PITPNC1: variants seen among roughly 807,000 people sequenced by gnomAD.
PITPNC1 encodes the protein cytoplasmic phosphatidylinositol transfer protein 1.
In PITPNC1, 18 loss-of-function variants were observed where a neutral mutation model predicts 44.7. The observed-to-expected ratio is 0.40, with a 90% CI of 0.28 to 0.60. PITPNC1 has a LOEUF of 0.60. Among genes scored for constraint, PITPNC1 ranks in the 20% least tolerant of loss-of-function variants. PITPNC1 has a pLI of 0.39. For synonymous variants in PITPNC1, 141 were observed against 149.6 expected, an observed-to-expected ratio of 0.94 and a Z score of 0.42; for missense variants, 290 against 418.4, an observed-to-expected ratio of 0.69 and a Z score of 2.68.
intron 6 of PITPNC1, among the ~76,000 whole-genome samples, chr17:67,650,872 C>G (rs940339398): frequency 3.9e-5 from 6 of 152,124 alleles, no homozygotes; most frequent in African/African-American, 7.2e-5. Flanking sequence ...GAGAAGGGTA[C>G]AAAACAGAAA....
chr17:67,599,034 A>ATATATATATATATATATTT (rs1461493250), intron 5 of PITPNC1, among the ~76,000 whole-genome samples: 2 of 35,676 alleles, frequency 5.6e-5, no homozygotes, highest in African/African-American at 1.1e-4. Context: ...ATATATATAT[A>ATATATATATATATATATTT]TTTTTTTTTT....
chr17:67,602,712 T>C (rs996539291), intron 5 of PITPNC1, among the ~76,000 whole-genome samples: 2 of 152,060 alleles, frequency 1.3e-5, no homozygotes, highest in African/African-American at 4.8e-5. Context: ...CCACTCATTC[T>C]ACAAGTGACC....
intron 1 of PITPNC1, among the ~76,000 whole-genome samples, chr17:67,397,836 G>A (rs193063911): frequency 1.3e-5 from 2 of 152,184 alleles, no homozygotes; most frequent in Non-Finnish European, 2.9e-5. Context: ...GCTCACGCCT[G>A]TAATCCCAGC....
chr17:67,394,485 A>G (rs1198206101), intron 1 of PITPNC1, among the ~76,000 whole-genome samples: 1 of 152,214 alleles, frequency 6.6e-6, no homozygotes, highest in African/African-American at 2.4e-5. Context: ...GTTCATGACA[A>G]ACTGCTACTT....
At chr17:67,527,933 C>T (rs1037901256) in intron 1 of PITPNC1, among the ~76,000 whole-genome samples, 4 of 152,064 alleles carry the variant, frequency 2.6e-5, no homozygotes, top group African/African-American at 7.2e-5. Flanking sequence ...CCCAGGAAGT[C>T]GAGGCTGAGG....
chr17:67,444,324 G>T (rs12600354), intron 1 of PITPNC1, among the ~76,000 whole-genome samples: 47,519 of 151,902 alleles, frequency 0.31, 8,333 homozygotes, highest in Non-Finnish European at 0.39. Context: ...AAGTTATGAA[G>T]GAGGAATACG....
intron 1 of PITPNC1, among the ~76,000 whole-genome samples, chr17:67,440,593 G>A (rs1393154117): frequency 6.6e-6 from 1 of 151,490 alleles, no homozygotes; most frequent in Non-Finnish European, 1.5e-5. Context: ...GTGCAGTGGT[G>A]CCATCATGGC....
intron 8 of PITPNC1, among the ~76,000 whole-genome samples, chr17:67,683,119 A>G (rs1216425108): frequency 4.9e-5 from 7 of 141,786 alleles, no homozygotes; most frequent in African/African-American, 1.9e-4. Context: ...AAGATATCAC[A>G]CCATTGCACT....
At chr17:67,426,356 C>T (rs2038764960) in intron 1 of PITPNC1, among the ~76,000 whole-genome samples, 1 of 152,140 alleles carries the variant, frequency 6.6e-6, no homozygotes, top group South Asian at 2.1e-4. Flanking sequence ...ATGGAATCAA[C>T]CCAAATGCCC....
intron 4 of PITPNC1, among the ~76,000 whole-genome samples, chr17:67,559,193 C>T (rs2040875969): frequency 6.6e-6 from 1 of 152,164 alleles, no homozygotes; most frequent in Non-Finnish European, 1.5e-5. Context: ...CCCCTGAGTC[C>T]CAGCCAAGGG....
At chr17:67,442,176 T>C (rs2039020605) in intron 1 of PITPNC1, among the ~76,000 whole-genome samples, 1 of 138,960 alleles carries the variant, frequency 7.2e-6, no homozygotes, top group Non-Finnish European at 1.5e-5. Context: ...TGCCAAACCA[T>C]ATTGGAGCTG....
At chr17:67,492,012 TA>T (rs148758121) in intron 1 of PITPNC1, among the ~76,000 whole-genome samples, 16,649 of 147,476 alleles carry the variant, frequency 0.11, 1,156 homozygotes, top group Middle Eastern at 0.2. Flanking sequence ...CTTTTTTTTT[TA>T]AAAAAAAAAA....
chr17:67,599,889 A>G (rs1375938571), intron 5 of PITPNC1, among the ~76,000 whole-genome samples: 1 of 152,228 alleles, frequency 6.6e-6, no homozygotes, highest in Non-Finnish European at 1.5e-5. Flanking sequence ...CAGATAAAAT[A>G]CAAAGAGAGA....
chr17:67,493,155 C>G (rs570398367), intron 1 of PITPNC1, among the ~76,000 whole-genome samples: 5 of 152,310 alleles, frequency 3.3e-5, no homozygotes, highest in Admixed American at 2.6e-4. Context: ...AGTAACCACT[C>G]TTTAATGTGG....
chr17:67,486,687 A>T (rs1180720473), intron 1 of PITPNC1, among the ~76,000 whole-genome samples: 2 of 152,174 alleles, frequency 1.3e-5, no homozygotes, highest in Admixed American at 6.5e-5. Flanking sequence ...GTAGACACAT[A>T]ACGAGGAATG....
At chr17:67,528,230 CG>C (rs2040415737) in intron 1 of PITPNC1, among the ~76,000 whole-genome samples, 1 of 151,978 alleles carries the variant, frequency 6.6e-6, no homozygotes, top group Admixed American at 6.6e-5. Flanking sequence ...TTAGTAGAGA[CG>C]GGGTTTTGCC....
chr17:67,553,836 A>G (rs549036132), intron 4 of PITPNC1, among the ~76,000 whole-genome samples: 7 of 152,236 alleles, frequency 4.6e-5, no homozygotes, highest in Non-Finnish European at 1.0e-4. Flanking sequence ...AATCGCCTTG[A>G]TAGTCACTTT....
intron 4 of PITPNC1, among the ~76,000 whole-genome samples, chr17:67,571,788 C>A (rs1298943622): frequency 6.6e-6 from 1 of 152,234 alleles, no homozygotes; most frequent in Non-Finnish European, 1.5e-5. Context: ...AAAGTGAAGT[C>A]TTGTATACAC....
intron 1 of PITPNC1, among the ~76,000 whole-genome samples, chr17:67,382,655 C>T (rs1192841873): frequency 1.3e-5 from 2 of 152,080 alleles, no homozygotes; most frequent in Non-Finnish European, 2.9e-5. Flanking sequence ...CACACTCTCT[C>T]GCTCTGTCGC....
Sources: allele counts gnomAD v4.1 joint callset (sites outside exome capture counted in the v4.1 genomes callset), GRCh38; gene constraint gnomAD v4.1.1; transcripts MANE v1.5; gene names NCBI Gene and HGNC (gene_info 2026-07-23, HGNC 2026-07-21).